LOC400499: variants seen among roughly 807,000 people sequenced by gnomAD.
chr16:11,466,801 T>C, the LOC400499 span, among the ~76,000 whole-genome samples: 526 of 152,296 alleles, frequency 3.5e-3, 3 homozygotes, highest in African/African-American at 0.012. Context: ...GCCTATTTAA[T>C]TGTAGAATTT....
the LOC400499 span, among the ~76,000 whole-genome samples, chr16:11,514,763 A>G: frequency 3.3e-5 from 5 of 152,198 alleles, no homozygotes; most frequent in African/African-American, 1.2e-4. Flanking sequence ...GGCACACCGG[A>G]GATGACAAGG....
chr16:11,500,356 C>A, the LOC400499 span, among the ~76,000 whole-genome samples: 1 of 151,898 alleles, frequency 6.6e-6, no homozygotes, highest in African/African-American at 2.4e-5. Flanking sequence ...GAAAAAAATA[C>A]AAAACTTAGC....
chr16:11,406,389 G>T, the LOC400499 span, among the ~76,000 whole-genome samples: 1 of 152,128 alleles, frequency 6.6e-6, no homozygotes, highest in African/African-American at 2.4e-5. Flanking sequence ...ATATACCACA[G>T]TCTCTTTACC....
the LOC400499 span, among the ~76,000 whole-genome samples, chr16:11,513,039 C>T: frequency 6.6e-6 from 1 of 152,212 alleles, no homozygotes; most frequent in Non-Finnish European, 1.5e-5. Context: ...AGCCCTGCCT[C>T]TCACTCACCG....
chr16:11,504,632 T>C, the LOC400499 span, among the ~76,000 whole-genome samples: 15 of 150,468 alleles, frequency 1.0e-4, no homozygotes, highest in African/African-American at 2.7e-4. Context: ...CACATGATAA[T>C]AGTGATAAGG....
the LOC400499 span, among the ~76,000 whole-genome samples, chr16:11,379,270 G>A: frequency 1.3e-5 from 2 of 152,160 alleles, no homozygotes; most frequent in Non-Finnish European, 1.5e-5. Flanking sequence ...AAAGTGAGGT[G>A]AAGTCTCCTA....
the LOC400499 span, among the ~76,000 whole-genome samples, chr16:11,506,515 G>C: frequency 6.6e-6 from 1 of 152,138 alleles, no homozygotes; most frequent in Non-Finnish European, 1.5e-5. Flanking sequence ...CCCAAGATTG[G>C]TGATAAGCCA....
chr16:11,478,804 G>A, the LOC400499 span: 1 of 397,662 alleles, frequency 2.5e-6, no homozygotes, highest in Non-Finnish European at 4.4e-6. Context: ...ACATGCTGTG[G>A]GAAGGACCCT....
chr16:11,422,188 G>A, the LOC400499 span, among the ~76,000 whole-genome samples: 2 of 152,348 alleles, frequency 1.3e-5, no homozygotes, highest in Middle Eastern at 3.4e-3. Context: ...ATCACTTGAG[G>A]TCAGGAGTTC....
the LOC400499 span, among the ~76,000 whole-genome samples, chr16:11,498,426 G>A: frequency 3.3e-5 from 5 of 152,266 alleles, no homozygotes; most frequent in African/African-American, 7.2e-5. Context: ...AGGTTGCAGT[G>A]AGCCGAGATT....
the LOC400499 span, among the ~76,000 whole-genome samples, chr16:11,411,659 A>C: frequency 2.0e-5 from 3 of 152,056 alleles, no homozygotes; most frequent in Middle Eastern, 3.2e-3. Context: ...TCAAGGGTTA[A>C]ACATGGCTCT....
the LOC400499 span, chr16:11,387,138 G>A: frequency 4.1e-5 from 51 of 1,232,182 alleles, no homozygotes; most frequent in African/African-American, 2.0e-4. Flanking sequence ...AGCAGGCGGC[G>A]TCTGAGCCAG....
chr16:11,522,949 G>A, the LOC400499 span, among the ~76,000 whole-genome samples: 30 of 152,286 alleles, frequency 2.0e-4, no homozygotes, highest in African/African-American at 7.2e-4. Context: ...GGGATCAAGC[G>A]TGAAACCTAA....
chr16:11,420,714 C>T, the LOC400499 span, among the ~76,000 whole-genome samples: 2 of 151,544 alleles, frequency 1.3e-5, no homozygotes, highest in Non-Finnish European at 2.9e-5. Flanking sequence ...GGAGAGGGCA[C>T]CCTGGTCCCC....
chr16:11,446,977 G>A, the LOC400499 span: 1 of 1,477,898 alleles, frequency 6.8e-7, no homozygotes, highest in African/African-American at 1.4e-5. Context: ...GGACAATTGT[G>A]CCCCACGGTC....
chr16:11,404,783 C>G, the LOC400499 span: 1 of 398,966 alleles, frequency 2.5e-6, no homozygotes, highest in Non-Finnish European at 4.4e-6. Flanking sequence ...GGCCATCCCA[C>G]AGCACCACCT....
At chr16:11,500,790 G>A in the LOC400499 span, 1 of 399,126 alleles carries the variant, frequency 2.5e-6, no homozygotes. Flanking sequence ...CCCGGGTGGG[G>A]TGCAGGGACT....
chr16:11,479,795 T>C, the LOC400499 span, among the ~76,000 whole-genome samples: 1 of 152,262 alleles, frequency 6.6e-6, no homozygotes, highest in South Asian at 2.1e-4. Context: ...CCAGAGGTCA[T>C]TTACATTTCA....
At chr16:11,423,069 C>A in the LOC400499 span, 3 of 398,884 alleles carry the variant, frequency 7.5e-6, no homozygotes, top group African/African-American at 6.2e-5. Context: ...TGGCAGCGAA[C>A]TCAGCTCCGG....
Sources: gnomAD v4.1 joint callset for allele counts (sites outside exome capture counted in the v4.1 genomes callset) on GRCh38, gnomAD v4.1.1 for gene constraint, MANE v1.5 for transcripts.